COLQ: variants seen among roughly 807,000 people sequenced by gnomAD.
COLQ encodes acetylcholinesterase collagenic tail peptide.
Under a neutral mutation model 69.0 loss-of-function variants are expected in COLQ, and 48 were observed. The ratio of observed to expected loss-of-function variants is 0.70; its 90% CI spans 0.55 to 0.88. The LOEUF (loss-of-function observed/expected upper bound fraction) is 0.88. COLQ is among the 40% of genes least tolerant of loss of function. The pLI, the probability that COLQ is intolerant of heterozygous loss-of-function variation, is 0.00. For missense variants in COLQ, 618 were observed against 594.6 expected (o/e 1.04, Z -0.41); for synonymous variants, 217 against 211.2 (o/e 1.03, Z -0.24).
At chr3:15,520,697 C>G (rs2063124536) in intron 1 of COLQ, among the ~76,000 whole-genome samples, 1 of 152,268 alleles carries the variant, frequency 6.6e-6, no homozygotes, top group Admixed American at 6.5e-5. Flanking sequence ...TTTAAATAGG[C>G]CATACTAGTA....
intron 1 of COLQ, among the ~76,000 whole-genome samples, chr3:15,500,611 C>T (rs1359179629): frequency 6.6e-6 from 1 of 152,128 alleles, no homozygotes; most frequent in African/African-American, 2.4e-5. Flanking sequence ...TCTATTTGAA[C>T]CTAATGGTTC....
intron 12 of COLQ, among the ~76,000 whole-genome samples, chr3:15,458,990 T>C (rs997848487): frequency 1.3e-5 from 2 of 151,942 alleles, no homozygotes; most frequent in African/African-American, 4.8e-5. Flanking sequence ...ATTACGGGTG[T>C]GTGCCACCAC....
chr3:15,514,154 G>A (rs1575498466), intron 1 of COLQ, among the ~76,000 whole-genome samples: 2 of 152,176 alleles, frequency 1.3e-5, no homozygotes, highest in East Asian at 3.8e-4. Flanking sequence ...CGGCCTTGGC[G>A]ACACCTTGAT....
In COLQ at chr3:15,450,908, T is replaced by C. The variant is rs1419160013; in HGVS notation, c.*736A>G. 2.6e-5 allele frequency: 4 copies of C among 152,844 alleles called. No homozygotes were observed. The highest frequency in any genetic ancestry group is 4.4e-5 in the Non-Finnish European group (3 of 68,542). The allele number at this position is 152,844 out of a possible 1,614,324, so 9.5% of individuals were successfully genotyped here. The stretch of plus-strand genomic sequence containing the variant: ...TGCAGAGAGAGCCAAGAGGTCAAGA[T>C]GGTGCCAGAGATTTTGAAACCACAA... On this transcript the variant is annotated 3_prime_UTR_variant, in exon 17 of 17. Coordinates refer to ENST00000383788, the MANE Select transcript of COLQ (RefSeq NM_005677.4).
chr3:15,457,155 T>C (rs537380570), intron 13 of COLQ, among the ~76,000 whole-genome samples: 1 of 152,080 alleles, frequency 6.6e-6, no homozygotes, highest in South Asian at 2.1e-4. Context: ...ATTTAAAACG[T>C]TCCCAAGACT....
chr3:15,462,310 G>T (rs753704116), intron 12 of COLQ, among the ~76,000 whole-genome samples: 2 of 152,116 alleles, frequency 1.3e-5, no homozygotes, highest in Non-Finnish European at 2.9e-5. Context: ...GATTACAGGC[G>T]TAAGCCACCG....
intron 12 of COLQ, among the ~76,000 whole-genome samples, chr3:15,462,743 C>T (rs1241576855): frequency 1.3e-5 from 2 of 152,188 alleles, no homozygotes; most frequent in Non-Finnish European, 2.9e-5. Context: ...GACCAGGGCT[C>T]AGGGGAGGGT....
intron 1 of COLQ, among the ~76,000 whole-genome samples, chr3:15,490,285 G>A (rs188282668): frequency 6.6e-6 from 1 of 152,324 alleles, no homozygotes; most frequent in East Asian, 1.9e-4. Context: ...GTTAGTAAAT[G>A]TTCAATGTTG....
At chr3:15,505,931 C>T (rs992654984) in intron 1 of COLQ, among the ~76,000 whole-genome samples, 22 of 152,114 alleles carry the variant, frequency 1.4e-4, no homozygotes, top group Non-Finnish European at 2.1e-4. Flanking sequence ...TCCCTAGATC[C>T]ATCCCTGCAC....
intron 11 of COLQ, among the ~76,000 whole-genome samples, chr3:15,467,038 A>T (rs1422025167): frequency 6.6e-6 from 1 of 152,182 alleles, no homozygotes; most frequent in African/African-American, 2.4e-5. Flanking sequence ...CCCCACCATA[A>T]GCTCTCATAA....
chr3:15,451,853 G>A, intron 16 of COLQ, 140 bp from the exon 17 acceptor site: 2 of 760,934 alleles, frequency 2.6e-6, no homozygotes, highest in South Asian at 1.5e-5. Flanking sequence ...AGAGGCCTGG[G>A]GGAGTTGAAT....
rs116503231 is a variant in COLQ at position 15,455,939 on chromosome 3, C to G, written c.1155G>C (p.Glu385Asp). 1.6e-5 allele frequency: 26 copies of G among 1,614,086 alleles called. No homozygotes were observed. In the African/African-American group the frequency reaches 2.9e-4, roughly 18 times the overall value. The change falls in exon 15 of 17, where the codon GAG becomes GAC. Residue 385 changes from glutamate (E) to aspartate (D), a missense_variant. Physicochemically the swap from Glu to Asp is conservative, Grantham distance 45. Transcript: ENST00000383788. Reference protein sequence around the residue: ...CGDGLLQPGEECDDGNSDVGD... With the variant: ...CGDGLLQPGEDCDDGNSDVGD... ...CCACATCGCTGTTACCGTCGTCACA[C>G]TCCTCCCCAGGCTGCAGGAGCCCAT... is the stretch of plus-strand genomic sequence containing the variant.
chr3:15,454,662 T>C (rs994593010), intron 15 of COLQ, among the ~76,000 whole-genome samples: 3 of 148,574 alleles, frequency 2.0e-5, no homozygotes, highest in Admixed American at 2.0e-4. Context: ...TTTTTTTTTT[T>C]TTTTTTTTTT....
intron 8 of COLQ, among the ~76,000 whole-genome samples, chr3:15,474,531 T>C (rs2062344915): frequency 6.6e-6 from 1 of 152,180 alleles, no homozygotes; most frequent in African/African-American, 2.4e-5. Context: ...TGTAGGAAAT[T>C]TGTCCACAGG....
At chr3:15,462,133 AT>A (rs2062128049) in intron 12 of COLQ, among the ~76,000 whole-genome samples, 1 of 152,044 alleles carries the variant, frequency 6.6e-6, no homozygotes, top group Non-Finnish European at 1.5e-5. Context: ...GGTTCAAGTG[AT>A]TCTCCTGTCT....
At position 15,475,517 on chromosome 3, in the gene COLQ, C is replaced by T. The variant is rs774378328; in HGVS notation, c.466-30G>A. The T allele has an allele frequency of 1.1e-5, 17 of 1,564,160 alleles. No homozygotes were observed. The East Asian group carries it at 1.4e-4, about 13-fold the overall frequency. On this transcript the variant is annotated intron_variant, in intron 6 of 16. Transcript: ENST00000383788. ...GGGAATTAGAAGAAGAAAAGACCCA[C>T]GGTGATATTTTTTAGAGAAACTGAA...
At chr3:15,490,101 C>G (rs2062639124) in intron 1 of COLQ, among the ~76,000 whole-genome samples, 2 of 152,212 alleles carry the variant, frequency 1.3e-5, no homozygotes, top group Non-Finnish European at 2.9e-5. Flanking sequence ...TGATTTAAAA[C>G]ACATACATTG....
At chr3:15,455,355 A>AAAACAAAAACAAAAAC (rs1276583182) in intron 15 of COLQ, among the ~76,000 whole-genome samples, 2 of 141,112 alleles carry the variant, frequency 1.4e-5, no homozygotes, top group African/African-American at 4.9e-5. Context: ...TACTTGATTA[A>AAAACAAAAACAAAAAC]AAACAAAAAC....
intron 12 of COLQ, among the ~76,000 whole-genome samples, chr3:15,466,045 T>C (rs2062194987): frequency 6.6e-6 from 1 of 152,368 alleles, no homozygotes; most frequent in African/African-American, 2.4e-5. Flanking sequence ...AAGGTATTAG[T>C]TGATGAAATA....
Sources: allele counts gnomAD v4.1 joint callset (sites outside exome capture counted in the v4.1 genomes callset), GRCh38; gene constraint gnomAD v4.1.1; transcripts MANE v1.5; gene names NCBI Gene and HGNC (gene_info 2026-07-23, HGNC 2026-07-21).